The following APP variants were observed in gnomAD, a reference collection of about 807,000 sequenced individuals.
APP encodes the protein amyloid beta precursor protein, also known as amyloid-beta precursor protein.
APP carries 31 observed loss-of-function variants against 101.4 expected under a neutral mutation model. The observed-to-expected ratio is 0.31, with a 90% CI of 0.23 to 0.41. The LOEUF (loss-of-function observed/expected upper bound fraction) is 0.41. Among genes scored for constraint, APP ranks in the 10% least tolerant of loss-of-function variants. APP has a pLI of 1.00. For missense variants in APP, 839 were observed against 1,003.7 expected, an observed-to-expected ratio of 0.84 and a Z score of 2.22; for synonymous variants, 366 against 364.4, an observed-to-expected ratio of 1.00 and a Z score of -0.05.
chr21:26,049,474 A>C (rs1237635187), intron 5 of APP, among the ~76,000 whole-genome samples: 1 of 152,126 alleles, frequency 6.6e-6, no homozygotes, highest in Non-Finnish European at 1.5e-5. Context: ...GGCTGGATCA[A>C]CTGCTATGGG....
intron 6 of APP, among the ~76,000 whole-genome samples, chr21:26,018,533 C>T (rs1193771948): frequency 6.6e-6 from 1 of 152,186 alleles, no homozygotes; most frequent in Non-Finnish European, 1.5e-5. Flanking sequence ...ACGTTACCCT[C>T]TAAAACATCT....
intron 13 of APP, among the ~76,000 whole-genome samples, chr21:25,939,553 A>G (rs1169861384): frequency 2.0e-5 from 3 of 152,230 alleles, no homozygotes; most frequent in Non-Finnish European, 4.4e-5. Context: ...GGATGAGAAA[A>G]AGCAGACACT....
chr21:26,136,045 C>T (rs1014461587), intron 1 of APP, among the ~76,000 whole-genome samples: 7 of 150,270 alleles, frequency 4.7e-5, no homozygotes, highest in African/African-American at 7.4e-5. Flanking sequence ...GCAGGAGAAT[C>T]GCTTGAACCC....
At chr21:25,953,321 C>T (rs959760701) in intron 13 of APP, among the ~76,000 whole-genome samples, 2 of 152,116 alleles carry the variant, frequency 1.3e-5, no homozygotes, top group African/African-American at 4.8e-5. Context: ...TTGACACATG[C>T]CAAATATTTC....
At chr21:26,026,026 T>C (rs1048699699) in intron 5 of APP, among the ~76,000 whole-genome samples, 1 of 152,214 alleles carries the variant, frequency 6.6e-6, no homozygotes, top group Non-Finnish European at 1.5e-5. Context: ...TTTCCACCAC[T>C]TCTTCAAATG....
At chr21:26,017,897 T>C (rs2830006) in intron 6 of APP, among the ~76,000 whole-genome samples, 138,984 of 152,282 alleles carry the variant, frequency 0.91, 63,791 homozygotes, top group Middle Eastern at 0.98. Context: ...CAACCAAAGA[T>C]GACAATAAGC....
chr21:26,159,946 G>A (rs983672443), intron 1 of APP, among the ~76,000 whole-genome samples: 1 of 152,090 alleles, frequency 6.6e-6, no homozygotes, highest in Non-Finnish European at 1.5e-5. Context: ...AAGAAACAAG[G>A]AAAGTCAGCC....
chr21:26,080,311 A>T (rs1175144998), intron 3 of APP, among the ~76,000 whole-genome samples: 2 of 152,158 alleles, frequency 1.3e-5, no homozygotes, highest in African/African-American at 4.8e-5. Flanking sequence ...TAGTGGTCTA[A>T]CTCAAATAGT....
At chr21:26,055,149 C>T (rs2045989035) in intron 3 of APP, among the ~76,000 whole-genome samples, 1 of 152,060 alleles carries the variant, frequency 6.6e-6, no homozygotes, top group Non-Finnish European at 1.5e-5. Context: ...AGACATGGTA[C>T]CCCAAAGGCT....
intron 13 of APP, among the ~76,000 whole-genome samples, chr21:25,938,851 C>T (rs1049390372): frequency 5.3e-5 from 8 of 152,130 alleles, no homozygotes; most frequent in Non-Finnish European, 8.8e-5. Context: ...CTGGAGTCAG[C>T]GAGAGACGCT....
intron 8 of APP, among the ~76,000 whole-genome samples, chr21:25,988,726 A>AGACAAAGAT (rs1348360389): frequency 4.2e-5 from 6 of 143,610 alleles, no homozygotes; most frequent in African/African-American, 1.3e-4. Context: ...AAAAAAAAGG[A>AGACAAAGAT]GACAAAGATG....
chr21:26,036,619 T>C (rs927618545), intron 5 of APP, among the ~76,000 whole-genome samples: 3 of 152,298 alleles, frequency 2.0e-5, no homozygotes, highest in African/African-American at 7.2e-5. Context: ...GTCGTGGTCA[T>C]AGCCAAAGAT....
intron 3 of APP, among the ~76,000 whole-genome samples, chr21:26,084,864 C>T (rs963298546): frequency 6.6e-5 from 10 of 152,158 alleles, no homozygotes; most frequent in African/African-American, 2.4e-4. Flanking sequence ...GTATAAAGCT[C>T]ATAAAGTACA....
At chr21:25,927,508 T>C (rs957469520) in intron 13 of APP, among the ~76,000 whole-genome samples, 1 of 152,226 alleles carries the variant, frequency 6.6e-6, no homozygotes, top group Non-Finnish European at 1.5e-5. Flanking sequence ...AGTTTTTATC[T>C]TGACCTCCAG....
At chr21:25,945,921 A>T in intron 13 of APP, 1 of 455,802 alleles carries the variant, frequency 2.2e-6, no homozygotes, top group Non-Finnish European at 4.4e-6. Flanking sequence ...GGCTCAAGTC[A>T]TCTGCCCACC....
intron 3 of APP, among the ~76,000 whole-genome samples, chr21:26,071,818 T>A (rs889680051): frequency 1.3e-5 from 2 of 152,212 alleles, no homozygotes; most frequent in African/African-American, 4.8e-5. Flanking sequence ...GGCTGTAGGA[T>A]CTTCATTCTC....
chr21:26,140,337 C>T, intron 1 of APP: 2 of 1,520,040 alleles, frequency 1.3e-6, no homozygotes, highest in Non-Finnish European at 1.8e-6. Flanking sequence ...GGTGAGTCAA[C>T]AGCATGTCAA....
intron 3 of APP, among the ~76,000 whole-genome samples, chr21:26,082,312 T>A (rs1293700071): frequency 1.3e-5 from 2 of 152,338 alleles, no homozygotes; most frequent in Admixed American, 6.5e-5. Context: ...TCCTTTGGCA[T>A]AAAGCACTGC....
At chr21:26,144,397 T>C (rs928424649) in intron 1 of APP, among the ~76,000 whole-genome samples, 2 of 152,224 alleles carry the variant, frequency 1.3e-5, no homozygotes, top group African/African-American at 2.4e-5. Flanking sequence ...GTTTCATATA[T>C]GGTTTATAAT....
Sources: gnomAD v4.1 joint callset for allele counts (sites outside exome capture counted in the v4.1 genomes callset) on GRCh38, gnomAD v4.1.1 for gene constraint, MANE v1.5 for transcripts, NCBI Gene and HGNC (gene_info 2026-07-23, HGNC 2026-07-21) for gene names.